Variants in ESR1 observed in about 807,000 individuals in gnomAD.
ESR1 encodes estrogen receptor 1.
Under a neutral mutation model 52.7 loss-of-function variants are expected in ESR1, and 12 were observed. That is an observed-to-expected ratio of 0.23 (90% CI 0.15 to 0.37). The LOEUF is 0.37. Ranked by LOEUF, ESR1 falls within the 10% of genes least tolerant of loss-of-function variation. ESR1 has a pLI of 1.00. For synonymous variants in ESR1, 305 were observed against 316.8 expected (o/e 0.96, Z 0.39); for missense variants, 584 against 779.7 (o/e 0.75, Z 2.99).
chr6:152,060,396 G>T (rs2128955683), intron 5 of ESR1, among the ~76,000 whole-genome samples: 1 of 152,186 alleles, frequency 6.6e-6, no homozygotes, highest in East Asian at 1.9e-4. Flanking sequence ...TCACATCTCT[G>T]CTTGATGAAA....
At chr6:151,705,301 C>T (rs768823153) in intron 2 of ESR1, among the ~76,000 whole-genome samples, 16 of 152,062 alleles carry the variant, frequency 1.1e-4, no homozygotes, top group Admixed American at 2.6e-4. Context: ...AGATTTGGTC[C>T]CAAACTGGAG....
chr6:151,829,397 T>C (rs937082279), intron 1 of ESR1, among the ~76,000 whole-genome samples: 1 of 152,240 alleles, frequency 6.6e-6, no homozygotes, highest in Non-Finnish European at 1.5e-5. Flanking sequence ...TCTCTGTCTG[T>C]TTTCTGATGC....
Position 151,784,230 on chromosome 6 carries a change from T to C in ESR1, c.-70-23613T>C, listed in dbSNP as rs142497824. On this transcript the variant is annotated intron_variant, in intron 2 of 2. Transcript: ENST00000404742. ...TTTGAGAGTTGTGTATGTACACAAA[T>C]TATTTGGAATTCTTCTGCATGGGAG... Among the ~76,000 whole-genome samples, 97 of 152,302 alleles carry C rather than the reference T, an allele frequency of 6.4e-4. 1 individual carries two copies. Among genetic ancestry groups the C allele is most frequent in the African/African-American group, 2.2e-3 (93 of 41,548 alleles).
At chr6:151,906,533 A>C (rs919425926) in intron 3 of ESR1, among the ~76,000 whole-genome samples, 1 of 151,866 alleles carries the variant, frequency 6.6e-6, no homozygotes, top group African/African-American at 2.4e-5. Context: ...TGATCCCTTA[A>C]TAAGACATAT....
At chr6:151,666,815 G>A (rs568298800) in intron 1 of ESR1, among the ~76,000 whole-genome samples, 8 of 151,624 alleles carry the variant, frequency 5.3e-5, no homozygotes, top group Non-Finnish European at 1.0e-4. Flanking sequence ...GTTGGAGGAC[G>A]AAGGTTCTGT....
At chr6:152,066,912 T>G (rs1426363381) in intron 6 of ESR1, among the ~76,000 whole-genome samples, 2 of 152,310 alleles carry the variant, frequency 1.3e-5, no homozygotes, top group African/African-American at 4.8e-5. Context: ...CATGGAATTG[T>G]TGTGACAATT....
chr6:152,072,547 A>C (rs73616089), intron 6 of ESR1, among the ~76,000 whole-genome samples: 1 of 152,158 alleles, frequency 6.6e-6, no homozygotes. Context: ...GGGTTTTGCT[A>C]TCACTCTAGC....
chr6:151,779,957 A>C (rs2128120358), intron 2 of ESR1, among the ~76,000 whole-genome samples: 1 of 151,648 alleles, frequency 6.6e-6, no homozygotes, highest in East Asian at 1.9e-4. Flanking sequence ...AATACTATGC[A>C]GCCATAAAAA....
At chr6:151,857,998 G>T (rs941493038) in intron 2 of ESR1, among the ~76,000 whole-genome samples, 4 of 152,048 alleles carry the variant, frequency 2.6e-5, no homozygotes, top group African/African-American at 9.7e-5. Context: ...AATCCATGCT[G>T]CAATTGATTA....
chr6:151,885,194 A>G (rs1793644601), intron 3 of ESR1, among the ~76,000 whole-genome samples: 1 of 152,188 alleles, frequency 6.6e-6, no homozygotes, highest in Admixed American at 6.5e-5. Flanking sequence ...GCAAATATGA[A>G]TAAGATTGTA....
rs141596928 is a variant in ESR1, at chr6:151,948,818, A to G, written c.1096+4310A>G. 3.9e-5 allele frequency among the ~76,000 whole-genome samples: 6 copies of G among 152,274 alleles called. No individual in the cohort carries two copies. The East Asian group carries it at 1.2e-3, about 29-fold the overall frequency. On this transcript the variant is annotated intron_variant, in intron 4 of 7. Coordinates refer to ENST00000206249, the MANE Select transcript of ESR1 (RefSeq NM_000125.4). ...TCGAGGATGCATGGTTGTGTGAGTTATTCCAGGGCTCAAGGCCTCTTCTGT... is the reference window on the plus strand; with the variant it reads ...TCGAGGATGCATGGTTGTGTGAGTTGTTCCAGGGCTCAAGGCCTCTTCTGT...
intron 2 of ESR1, among the ~76,000 whole-genome samples, chr6:151,874,145 A>G (rs1185024049): frequency 6.6e-6 from 1 of 152,186 alleles, no homozygotes; most frequent in African/African-American, 2.4e-5. Flanking sequence ...ATGAACAGTT[A>G]GCTAAATGTT....
At chr6:152,052,464 C>G (rs1439252797) in intron 5 of ESR1, among the ~76,000 whole-genome samples, 1 of 151,996 alleles carries the variant, frequency 6.6e-6, no homozygotes, top group Non-Finnish European at 1.5e-5. Context: ...TATTTATTTA[C>G]AAAATAAATA....
At position 151,900,648 on chromosome 6, in the gene ESR1, T is replaced by C. The variant is rs551094470; in HGVS notation, c.760+19877T>C. Among the ~76,000 whole-genome samples, 153 of 152,300 alleles carry C rather than the reference T, an allele frequency of 1.0e-3. 1 individual carries two copies. Among genetic ancestry groups the C allele is most frequent in the African/African-American group, 3.3e-3 (137 of 41,588 alleles). ...CCCACAGGTTGTTTTCTTGATGTAG[T>C]ACTCTCCCCCTTTTCTTAGAGATGT... On this transcript the variant is annotated intron_variant, in intron 3 of 7. Transcript: ENST00000206249.
chr6:152,024,264 G>A (rs554710255), intron 5 of ESR1, among the ~76,000 whole-genome samples: 2 of 152,154 alleles, frequency 1.3e-5, no homozygotes, highest in Non-Finnish European at 2.9e-5. Context: ...ATATCACATA[G>A]CTTTGTTTAT....
chr6:151,779,104 C>T (rs1408118453), intron 2 of ESR1, among the ~76,000 whole-genome samples: 1 of 152,128 alleles, frequency 6.6e-6, no homozygotes, highest in Admixed American at 6.5e-5. Context: ...TTAATTAGAT[C>T]CCATTTGTCA....
intron 3 of ESR1, among the ~76,000 whole-genome samples, chr6:151,902,863 GTCA>G (rs1272403964): frequency 1.3e-5 from 2 of 152,118 alleles, no homozygotes; most frequent in Non-Finnish European, 2.9e-5. Flanking sequence ...TTAGTATACT[GTCA>G]TCATTATAAG....
At position 151,674,520 on chromosome 6, in the gene ESR1, T is replaced by G. The variant is rs148325708; in HGVS notation, n.73+17757T>G. 2.0e-3 allele frequency among the ~76,000 whole-genome samples: 306 copies of G among 152,346 alleles called. 1 individual carries two copies. Among genetic ancestry groups the G allele is most frequent in the African/African-American group, 7.1e-3 (294 of 41,570 alleles). On this transcript the variant is annotated intron_variant and non_coding_transcript_variant, in intron 1 of 2. Coordinates refer to the ESR1 transcript ENST00000473497. ...TGTGCATGTATCTTTATAGAATAAT[T>G]TATAATCCTTTTAGTATATACCCAG...
intron 4 of ESR1, among the ~76,000 whole-genome samples, chr6:151,946,257 A>T (rs2035689015): frequency 6.6e-6 from 1 of 152,190 alleles, no homozygotes; most frequent in Non-Finnish European, 1.5e-5. Context: ...GTAAACATAT[A>T]TTTTCCCTTA....
Sources: gnomAD v4.1 joint callset for allele counts (sites outside exome capture counted in the v4.1 genomes callset) on GRCh38, gnomAD v4.1.1 for gene constraint, MANE v1.5 for transcripts, NCBI Gene and HGNC (gene_info 2026-07-23, HGNC 2026-07-21) for gene names.